TLN2: variants seen among roughly 807,000 people sequenced by gnomAD.
TLN2 encodes talin-2.
A neutral mutation model predicts 294.7 loss-of-function variants in TLN2; 118 were observed. That is an observed-to-expected ratio of 0.40 (90% CI 0.34 to 0.47). The LOEUF (loss-of-function observed/expected upper bound fraction) is 0.47, where lower values mean the gene tolerates loss of function less well. Ranked by LOEUF, TLN2 falls within the 20% of genes least tolerant of loss-of-function variation. TLN2 has a pLI of 0.84. For synonymous variants in TLN2, 1,431 were observed against 1,304.5 expected (o/e 1.10, Z -2.09); for missense variants, 3,083 against 3,282.2 (o/e 0.94, Z 1.48).
intron 9 of TLN2, among the ~76,000 whole-genome samples, chr15:62,665,033 C>T (rs1039183756): frequency 6.6e-6 from 1 of 151,740 alleles, no homozygotes; most frequent in African/African-American, 2.4e-5. Flanking sequence ...AAGGCATATA[C>T]TTTTCTATAA....
intron 2 of TLN2, among the ~76,000 whole-genome samples, chr15:62,613,440 G>T (rs548731865): frequency 1.3e-5 from 2 of 152,174 alleles, no homozygotes; most frequent in Non-Finnish European, 1.5e-5. Flanking sequence ...CATAGAGCTC[G>T]TGTGGAGTAA....
At chr15:62,549,756 A>G (rs531585235) in intron 1 of TLN2, among the ~76,000 whole-genome samples, 20 of 152,206 alleles carry the variant, frequency 1.3e-4, no homozygotes, top group Non-Finnish European at 2.6e-4. Context: ...GATGTTTAAA[A>G]TGGGCTTAGG....
intron 1 of TLN2, among the ~76,000 whole-genome samples, chr15:62,580,684 T>C (rs138605930): frequency 3.3e-5 from 5 of 152,176 alleles, no homozygotes; most frequent in Non-Finnish European, 4.4e-5. Context: ...GTGCTGGGAT[T>C]ATAGGCATGC....
At chr15:62,606,945 C>T (rs1039747471) in intron 2 of TLN2, among the ~76,000 whole-genome samples, 7 of 152,134 alleles carry the variant, frequency 4.6e-5, no homozygotes, top group Non-Finnish European at 1.0e-4. Flanking sequence ...GTTGTGTGGT[C>T]CCTATCACCA....
chr15:62,798,803 G>A (rs375179050), intron 48 of TLN2, among the ~76,000 whole-genome samples: 1 of 152,182 alleles, frequency 6.6e-6, no homozygotes. Context: ...AGCTCCGAGA[G>A]GAAACATTCC....
intron 2 of TLN2, among the ~76,000 whole-genome samples, chr15:62,609,048 G>A (rs1376650988): frequency 6.6e-6 from 1 of 151,968 alleles, no homozygotes; most frequent in African/African-American, 2.4e-5. Flanking sequence ...GGCTTGTGAT[G>A]GTGGTGGTGG....
chr15:62,816,666 C>G (rs953954720), intron 52 of TLN2, among the ~76,000 whole-genome samples: 2 of 152,108 alleles, frequency 1.3e-5, no homozygotes, highest in Non-Finnish European at 2.9e-5. Flanking sequence ...TTGTCTTGAG[C>G]TTAGGGGAAA....
At chr15:62,804,316 G>A (rs1422989885) in intron 50 of TLN2, among the ~76,000 whole-genome samples, 1 of 152,170 alleles carries the variant, frequency 6.6e-6, no homozygotes, top group Non-Finnish European at 1.5e-5. Flanking sequence ...TTCACCCAGA[G>A]GCCAGGCATG....
chr15:62,644,639 G>A (rs1003063797), intron 3 of TLN2: 20 of 455,366 alleles, frequency 4.4e-5, no homozygotes, highest in East Asian at 2.8e-4. Context: ...TGCACCTTGC[G>A]GACCCCGCAG....
At chr15:62,836,989 CATCAACTGATTAT>C (rs1466839133) in intron 57 of TLN2, among the ~76,000 whole-genome samples, 1 of 152,196 alleles carries the variant, frequency 6.6e-6, no homozygotes, top group Non-Finnish European at 1.5e-5. Context: ...CATGATATTA[CATCAACTGATTAT>C]GCCAGAATTT....
intron 1 of TLN2, among the ~76,000 whole-genome samples, chr15:62,543,593 A>G (rs1216917424): frequency 6.6e-6 from 1 of 152,090 alleles, no homozygotes; most frequent in Non-Finnish European, 1.5e-5. Context: ...CGTCTCTACT[A>G]AAAATACAAA....
At chr15:62,655,110 CTTCTT>C (rs1364611166) in intron 7 of TLN2, among the ~76,000 whole-genome samples, 1 of 151,820 alleles carries the variant, frequency 6.6e-6, no homozygotes, top group Admixed American at 6.6e-5. Context: ...CAGTTATATA[CTTCTT>C]TTCAAGAGAC....
chr15:62,515,297 A>G (rs796348492), intron 1 of TLN2, among the ~76,000 whole-genome samples: 3 of 152,250 alleles, frequency 2.0e-5, no homozygotes, highest in African/African-American at 7.2e-5. Flanking sequence ...TGTTTGCATG[A>G]CTGGTTTGTT....
At chr15:62,814,531 C>T (rs1300196782) in intron 52 of TLN2, among the ~76,000 whole-genome samples, 1 of 151,812 alleles carries the variant, frequency 6.6e-6, no homozygotes, top group Non-Finnish European at 1.5e-5. Context: ...GTGACAAGTG[C>T]TGATGGCTCT....
At chr15:62,755,719 T>A in intron 37 of TLN2, 26 bp downstream of exon 37, 2 of 1,613,312 alleles carry the variant, frequency 1.2e-6, no homozygotes, top group Non-Finnish European at 1.7e-6. Flanking sequence ...ACCGGCCTTA[T>A]TGAACTCTGT....
intron 32 of TLN2, among the ~76,000 whole-genome samples, chr15:62,745,303 T>C (rs1166392097): frequency 1.3e-5 from 2 of 152,160 alleles, no homozygotes; most frequent in Non-Finnish European, 1.5e-5. Flanking sequence ...AATGAACTTA[T>C]GTGGCTTTGA....
chr15:62,478,339 C>G (rs748025663), intron 1 of TLN2, among the ~76,000 whole-genome samples: 6 of 152,078 alleles, frequency 3.9e-5, no homozygotes, highest in Non-Finnish European at 8.8e-5. Flanking sequence ...TATTTGCATC[C>G]TAGGTTATTT....
intron 2 of TLN2, among the ~76,000 whole-genome samples, chr15:62,602,586 G>A (rs573030328): frequency 1.3e-5 from 2 of 152,292 alleles, no homozygotes; most frequent in South Asian, 4.2e-4. Flanking sequence ...TCATAGCTCT[G>A]GAGGCTGGGA....
chr15:62,508,735 C>T (rs1216280163), intron 1 of TLN2, among the ~76,000 whole-genome samples: 1 of 152,100 alleles, frequency 6.6e-6, no homozygotes, highest in East Asian at 1.9e-4. Context: ...ATGGGCCAAA[C>T]TTTGAGTTGA....
Sources: gnomAD v4.1 joint callset for allele counts (sites outside exome capture counted in the v4.1 genomes callset) on GRCh38, gnomAD v4.1.1 for gene constraint, MANE v1.5 for transcripts, NCBI Gene and HGNC (gene_info 2026-07-23, HGNC 2026-07-21) for gene names.